Variants in OSBPL5 observed in about 807,000 individuals in gnomAD.
The protein encoded by OSBPL5 is oxysterol binding protein like 5, also known as oxysterol-binding protein-related protein 5.
Under a neutral mutation model 111.2 loss-of-function variants are expected in OSBPL5, and 71 were observed. The ratio of observed to expected loss-of-function variants is 0.64; its 90% confidence interval spans 0.53 to 0.78. OSBPL5 has a LOEUF of 0.78. Among genes scored for constraint, OSBPL5 ranks in the 30% least tolerant of loss-of-function variants. The pLI, the probability that OSBPL5 is intolerant of heterozygous loss-of-function variation, is 0.00. For synonymous variants in OSBPL5, 549 were observed against 513.9 expected (o/e 1.07, Z -0.93); for missense variants, 1,210 against 1,189.3 (o/e 1.02, Z -0.26).
intron 3 of OSBPL5, among the ~76,000 whole-genome samples, chr11:3,123,160 A>G (rs1355571604): frequency 1.3e-5 from 2 of 152,142 alleles, no homozygotes; most frequent in African/African-American, 4.8e-5. Context: ...GGCAGTCCCA[A>G]TATCTTGGAG....
At chr11:3,129,437 C>T (rs561380195) in intron 1 of OSBPL5, 12 of 253,522 alleles carry the variant, frequency 4.7e-5, no homozygotes, top group Admixed American at 3.3e-4. Context: ...TCACCACCCT[C>T]GGAAGATGTC....
rs779221878 is a variant in OSBPL5 at position 3,100,146 on chromosome 11, T to C, written c.1621+12A>G. On this transcript the variant is annotated intron_variant, in intron 14 of 21. Transcript: ENST00000263650. ...TGGCTCTGCCCTCGGAGTGTGTGGCTGAGCCTCTCACCTTTGCAGTGGGCG... is the reference window on the plus strand; with the variant it reads ...TGGCTCTGCCCTCGGAGTGTGTGGCCGAGCCTCTCACCTTTGCAGTGGGCG... The C allele has an allele frequency of 1.8e-5, 29 of 1,612,946 alleles. No homozygotes were observed. The highest frequency in any genetic ancestry group is 2.5e-5 in the Non-Finnish European group (29 of 1,179,238).
At chr11:3,145,462 T>C (rs968607122) in intron 1 of OSBPL5, among the ~76,000 whole-genome samples, 1 of 152,096 alleles carries the variant, frequency 6.6e-6, no homozygotes, top group Non-Finnish European at 1.5e-5. Flanking sequence ...CCCCACAGCC[T>C]CCACTGAACC....
intron 1 of OSBPL5, among the ~76,000 whole-genome samples, chr11:3,135,206 T>G (rs901060634): frequency 6.6e-6 from 1 of 152,204 alleles, no homozygotes; most frequent in Admixed American, 6.5e-5. Context: ...AACTGAGCTG[T>G]GCTGGGCTGG....
At chr11:3,133,345 G>T (rs1394117112) in intron 1 of OSBPL5, among the ~76,000 whole-genome samples, 1 of 152,244 alleles carries the variant, frequency 6.6e-6, no homozygotes, top group Non-Finnish European at 1.5e-5. Context: ...AAACAGACAC[G>T]CTGGCTGAGG....
At chr11:3,111,209 T>G (rs1857914084) in intron 7 of OSBPL5, among the ~76,000 whole-genome samples, 2 of 143,520 alleles carry the variant, frequency 1.4e-5, no homozygotes, top group Admixed American at 7.5e-5. Flanking sequence ...AGATCTAAAG[T>G]TTATTTTGTT....
intron 1 of OSBPL5, among the ~76,000 whole-genome samples, chr11:3,138,131 C>T (rs528023592): frequency 2.6e-5 from 4 of 152,226 alleles, no homozygotes; most frequent in Non-Finnish European, 5.9e-5. Flanking sequence ...GCCAGCCCGT[C>T]CCCGGCCCTG....
chr11:3,152,122 C>A (rs144918250), intron 1 of OSBPL5, among the ~76,000 whole-genome samples: 1 of 152,190 alleles, frequency 6.6e-6, no homozygotes, highest in Non-Finnish European at 1.5e-5. Context: ...TCTGCCCCTG[C>A]TCATCTCTCT....
At position 3,154,635 on chromosome 11, in the gene OSBPL5, C is replaced by T. The variant is rs1590733542; in HGVS notation, c.-22+10581G>A. On this transcript the variant is annotated intron_variant, in intron 1 of 21. Transcript: ENST00000263650. The surrounding 1 kb of genome is among the most constrained non-coding windows in gnomAD (Gnocchi z 4.9). ...CCCTCACAGGGGATAAAAACAGAACCCACTGACGAGACGCCTGGCAGTGCG... is the reference window on the plus strand; with the variant it reads ...CCCTCACAGGGGATAAAAACAGAACTCACTGACGAGACGCCTGGCAGTGCG... Among the ~76,000 whole-genome samples the T allele has an allele frequency of 6.6e-6, 1 of 152,180 alleles. No individual in the cohort carries two copies. Among genetic ancestry groups the T allele is most frequent in the East Asian group, 1.9e-4 (1 of 5,194 alleles).
chr11:3,118,197 T>G (rs953799711), intron 7 of OSBPL5, among the ~76,000 whole-genome samples: 10 of 152,182 alleles, frequency 6.6e-5, no homozygotes, highest in Non-Finnish European at 1.2e-4. Context: ...GCTCCCAAAA[T>G]CACGAAGCTA....
chr11:3,097,084 A>ACGGGAGGAGGAGG (rs1857294252), intron 14 of OSBPL5, among the ~76,000 whole-genome samples: 1 of 11,328 alleles, frequency 8.8e-5, no homozygotes, highest in Non-Finnish European at 1.5e-4. Context: ...GAAGGAGGAG[A>ACGGGAGGAGGAGG]AGAGGAAAGA....
At chr11:3,098,598 C>T (rs928043603) in intron 14 of OSBPL5, among the ~76,000 whole-genome samples, 10 of 149,288 alleles carry the variant, frequency 6.7e-5, no homozygotes, top group East Asian at 2.0e-4. Context: ...CTTCAACTCC[C>T]GGGTTCAAGT....
intron 1 of OSBPL5, among the ~76,000 whole-genome samples, chr11:3,159,905 G>A (rs1194253980): frequency 6.6e-6 from 1 of 152,192 alleles, no homozygotes; most frequent in East Asian, 1.9e-4. Flanking sequence ...AGGTTTAGGA[G>A]GCAAATAAAC....
Position 3,126,850 on chromosome 11 carries a change from A to G in OSBPL5, c.137-295T>C, listed in dbSNP as rs1474662285. ...CATCCTGGGCCTGCTGTAGTGTGCAATTGGGGGTCTGTGAAGGCCAGAGTC... is the reference window on the plus strand; with the variant it reads ...CATCCTGGGCCTGCTGTAGTGTGCAGTTGGGGGTCTGTGAAGGCCAGAGTC... On this transcript the variant is annotated intron_variant, in intron 2 of 21. Coordinates refer to ENST00000263650, the MANE Select transcript of OSBPL5 (RefSeq NM_020896.4). The surrounding 1 kb of genome is among the most constrained non-coding windows in gnomAD (Gnocchi z 6.5). 3.9e-5 allele frequency among the ~76,000 whole-genome samples: 6 copies of G among 152,184 alleles called. No homozygotes were observed. In the East Asian group the frequency reaches 7.7e-4, roughly 20 times the overall value.
chr11:3,129,072 C>T lies in OSBPL5; in HGVS notation c.77G>A (p.Arg26Gln), dbSNP rs150443775. 1.1e-5 allele frequency: 18 copies of T among 1,575,950 alleles called. No homozygotes were observed. Among genetic ancestry groups the T allele is most frequent in the East Asian group, 2.4e-5 (1 of 41,376 alleles). Residue 26 changes from arginine to glutamine, a missense_variant, in exon 2 of 22, where the codon CGG (arginine) becomes CAG (glutamine). Physicochemically the swap from Arg to Gln is conservative, Grantham distance 43 (BLOSUM62 1). Transcript: ENST00000263650. ...GAGGAGCAAGTTCCGGGTGAGCTTC[C>T]GGGGGTCGACTTTCTGAGGGGTGGA... The part of the protein sequence containing the change: ...PSSTPQKVDP[R>Q]KLTRNLLLSG...
At position 3,087,962 on chromosome 11, in the gene OSBPL5, T is replaced by G; in HGVS notation, c.*243A>C. ...AGTGCGTCGCACAGCAGAAGCTGCA[T>G]TTGGCTTTAGCATTAAGGCCAGCGC... On this transcript the variant is annotated 3_prime_UTR_variant, in exon 22 of 22. Coordinates refer to ENST00000263650, the MANE Select transcript of OSBPL5 (RefSeq NM_020896.4). 11 of 370,588 alleles carry G rather than the reference T, an allele frequency of 3.0e-5. No individual in the cohort carries two copies. The highest frequency in any genetic ancestry group is 4.3e-5 in the Non-Finnish European group (9 of 208,248). 23.0% of individuals were successfully genotyped at this position (370,588 alleles called of 1,614,324 possible).
intron 1 of OSBPL5, among the ~76,000 whole-genome samples, chr11:3,138,330 C>A (rs970930177): frequency 6.6e-6 from 1 of 152,194 alleles, no homozygotes; most frequent in African/African-American, 2.4e-5. Context: ...CCCAGCTAGA[C>A]CCACCACCTC....
chr11:3,119,672 C>T, intron 6 of OSBPL5, 41 bp from the exon 7 acceptor site: 1 of 1,558,312 alleles, frequency 6.4e-7, no homozygotes, highest in Non-Finnish European at 8.7e-7. Flanking sequence ...AGGCAACACC[C>T]AGGGCCAGCT....
chr11:3,102,219 C>G lies in OSBPL5; in HGVS notation c.1389G>C (p.Pro463=), dbSNP rs34235767. Residue 463 remains proline (P), a synonymous_variant, in exon 12 of 22, where the codon CCG becomes CCC. Coordinates refer to ENST00000263650, the MANE Select transcript of OSBPL5 (RefSeq NM_020896.4). ...TGTAGAATGTGCGGCTGTCAGTCTG[C>G]GGGTGGAACCAGCAGCAGCGGAAGG... ...GETFRCCWFH[P]QTDSRTFYIA... 2 of 1,608,756 alleles carry G rather than the reference C, an allele frequency of 1.2e-6. No individual in the cohort carries two copies. Among genetic ancestry groups the G allele is most frequent in the Admixed American group, 3.4e-5 (2 of 59,074 alleles).
Sources: gnomAD v4.1 joint callset for allele counts (sites outside exome capture counted in the v4.1 genomes callset) on GRCh38, gnomAD v4.1.1 for gene constraint, Gnocchi (gnomAD v3.1) non-coding constraint, MANE v1.5 for transcripts, NCBI Gene and HGNC (gene_info 2026-07-23, HGNC 2026-07-21) for gene names.